OPCML: variants seen among roughly 807,000 people sequenced by gnomAD.
OPCML encodes the protein opioid binding protein/cell adhesion molecule like, also known as opioid-binding protein/cell adhesion molecule.
In OPCML, 13 loss-of-function variants were observed where a neutral mutation model predicts 37.8. The observed-to-expected ratio is 0.34, with a 90% CI of 0.22 to 0.55. The LOEUF is 0.55. OPCML is among the 20% of genes least tolerant of loss of function. OPCML has a pLI of 0.91. For synonymous variants in OPCML, 176 were observed against 168.8 expected, an observed-to-expected ratio of 1.04 and a Z score of -0.33; for missense variants, 341 against 435.6, an observed-to-expected ratio of 0.78 and a Z score of 1.93.
Position 133,514,578 on chromosome 11 carries a change from A to C in OPCML, c.61+17686T>G, listed in dbSNP as rs547017650. Among the ~76,000 whole-genome samples the C allele has an allele frequency of 1.6e-4, 24 of 152,304 alleles. No homozygotes were observed. In the East Asian group the frequency reaches 4.1e-3, roughly 26 times the overall value. On this transcript the variant is annotated intron_variant, in intron 1 of 7. Coordinates refer to ENST00000524381, the MANE Select transcript of OPCML (RefSeq NM_001012393.5). ...AAGTAACCTAAAGACTAAAGTCAAGAGTCCTTTTTTAAATATTTAGGACAA... is the reference window on the plus strand; with the variant it reads ...AAGTAACCTAAAGACTAAAGTCAAGCGTCCTTTTTTAAATATTTAGGACAA...
intron 1 of OPCML, chr11:133,064,771 G>A (rs1393308743): frequency 2.6e-5 from 4 of 152,184 alleles, no homozygotes; most frequent in African/African-American, 7.2e-5. Flanking sequence ...GGGGCGGGCC[G>A]GCAGTAAACC....
At chr11:133,389,265 G>A (rs908044476) in intron 1 of OPCML, among the ~76,000 whole-genome samples, 11 of 152,166 alleles carry the variant, frequency 7.2e-5, no homozygotes, top group East Asian at 5.8e-4. Context: ...TATGCAAGAC[G>A]AAACAGCAAC....
At chr11:132,878,223 G>A (rs1355517360) in intron 2 of OPCML, among the ~76,000 whole-genome samples, 1 of 152,072 alleles carries the variant, frequency 6.6e-6, no homozygotes, top group African/African-American at 2.4e-5. Context: ...GTTCTCTGAT[G>A]ATGGCTGCTG....
At chr11:132,451,378 G>A (rs900386030) in intron 4 of OPCML, among the ~76,000 whole-genome samples, 9 of 151,940 alleles carry the variant, frequency 5.9e-5, no homozygotes, top group African/African-American at 1.9e-4. Flanking sequence ...GTATAGGGCT[G>A]GGGCGGGGGT....
chr11:133,341,405 T>G (rs1435037903), intron 1 of OPCML, among the ~76,000 whole-genome samples: 1 of 152,166 alleles, frequency 6.6e-6, no homozygotes, highest in East Asian at 1.9e-4. Context: ...TTGAGTCGCC[T>G]TGACATGGAC....
At chr11:133,345,414 A>T (rs956695240) in intron 1 of OPCML, among the ~76,000 whole-genome samples, 1 of 152,212 alleles carries the variant, frequency 6.6e-6, no homozygotes, top group East Asian at 1.9e-4. Context: ...CAATGTGTAT[A>T]TTTCCCAAAC....
intron 3 of OPCML, among the ~76,000 whole-genome samples, chr11:132,547,350 G>A (rs1352584541): frequency 6.6e-6 from 1 of 152,146 alleles, no homozygotes; most frequent in Non-Finnish European, 1.5e-5. Flanking sequence ...GACAAAGAGG[G>A]TGGGCGAATC....
chr11:133,506,703 A>T (rs1179379762), intron 1 of OPCML, among the ~76,000 whole-genome samples: 1 of 152,200 alleles, frequency 6.6e-6, no homozygotes, highest in Non-Finnish European at 1.5e-5. Context: ...GGCTGCAGGA[A>T]ACAGTGCATG....
chr11:133,486,267 G>A (rs1330994091), intron 1 of OPCML, among the ~76,000 whole-genome samples: 15 of 152,074 alleles, frequency 9.9e-5, no homozygotes, highest in Non-Finnish European at 2.2e-4. Context: ...CTGTATTTCT[G>A]TTTCCTCTGT....
chr11:132,504,587 G>A (rs1219610596), intron 4 of OPCML, among the ~76,000 whole-genome samples: 7 of 151,948 alleles, frequency 4.6e-5, no homozygotes, highest in Admixed American at 2.6e-4. Context: ...CTTCCCAGGC[G>A]GCTTGCAGGC....
intron 1 of OPCML, among the ~76,000 whole-genome samples, chr11:133,511,372 A>G (rs1948152924): frequency 6.6e-6 from 1 of 152,216 alleles, no homozygotes; most frequent in Non-Finnish European, 1.5e-5. Flanking sequence ...AACTTCTTAC[A>G]CAGGACCGCG....
chr11:133,078,684 T>C (rs1019461656), intron 1 of OPCML, among the ~76,000 whole-genome samples: 4 of 152,102 alleles, frequency 2.6e-5, no homozygotes, highest in Non-Finnish European at 5.9e-5. Context: ...GGTTCTGGGA[T>C]GCACCACGGG....
chr11:132,958,940 T>C (rs2336467), intron 1 of OPCML, among the ~76,000 whole-genome samples: 100,757 of 152,166 alleles, frequency 0.66, 33,890 homozygotes, highest in East Asian at 0.82. Context: ...CTCCGTTCCG[T>C]AGCCCATGAA....
chr11:132,966,414 A>T (rs11823424), intron 1 of OPCML, among the ~76,000 whole-genome samples: 270 of 152,260 alleles, frequency 1.8e-3, no homozygotes, highest in African/African-American at 6.2e-3. Flanking sequence ...GTCATATACC[A>T]TACTTTCCAT....
At chr11:132,453,267 T>C (rs1445557408) in intron 4 of OPCML, among the ~76,000 whole-genome samples, 1 of 152,210 alleles carries the variant, frequency 6.6e-6, no homozygotes, top group Non-Finnish European at 1.5e-5. Flanking sequence ...TTAGGAAAGC[T>C]GTACTACATT....
chr11:132,906,442 G>A (rs1944243478), intron 2 of OPCML, among the ~76,000 whole-genome samples: 1 of 152,178 alleles, frequency 6.6e-6, no homozygotes. Flanking sequence ...CCCTCAGTGT[G>A]TGGTTTTCTG....
chr11:132,570,419 G>A (rs190323101), intron 3 of OPCML, among the ~76,000 whole-genome samples: 99 of 152,160 alleles, frequency 6.5e-4, no homozygotes, highest in Admixed American at 1.1e-3. Context: ...GAGGACATGA[G>A]GGTTTACTAA....
intron 1 of OPCML, chr11:133,007,294 A>T: frequency 1.0e-5 from 10 of 985,422 alleles, no homozygotes; most frequent in Non-Finnish European, 1.2e-5. Context: ...CTGTTGCAGG[A>T]TACAGCTCCA....
At chr11:133,060,070 C>T (rs956422339) in intron 1 of OPCML, among the ~76,000 whole-genome samples, 11 of 152,130 alleles carry the variant, frequency 7.2e-5, no homozygotes, top group African/African-American at 1.7e-4. Context: ...TATTTTAAGG[C>T]CGTTCCTTTC....
Sources: gnomAD v4.1 joint callset for allele counts (sites outside exome capture counted in the v4.1 genomes callset) on GRCh38, gnomAD v4.1.1 for gene constraint, MANE v1.5 for transcripts, NCBI Gene and HGNC (gene_info 2026-07-23, HGNC 2026-07-21) for gene names.